Variants in NUP210L observed in about 807,000 individuals in gnomAD.
NUP210L encodes nuclear pore membrane glycoprotein 210-like.
A neutral mutation model predicts 208.5 loss-of-function variants in NUP210L; 74 were observed. The observed-to-expected ratio is 0.35, with a 90% CI of 0.29 to 0.43. The LOEUF (loss-of-function observed/expected upper bound fraction) is 0.43, where lower values mean the gene tolerates loss of function less well. NUP210L is among the 20% of genes least tolerant of loss of function. The pLI is 1.00. For synonymous variants in NUP210L, 780 were observed against 816.9 expected, an observed-to-expected ratio of 0.95 and a Z score of 0.77; for missense variants, 1,843 against 2,289.4, an observed-to-expected ratio of 0.81 and a Z score of 3.98.
At chr1:154,028,529 G>A (rs1349715186) in intron 28 of NUP210L, among the ~76,000 whole-genome samples, 2 of 152,160 alleles carry the variant, frequency 1.3e-5, no homozygotes, top group African/African-American at 4.8e-5. Flanking sequence ...GGAGGTTGCA[G>A]TGAGGCGAGA....
intron 15 of NUP210L, among the ~76,000 whole-genome samples, chr1:154,094,065 C>CA (rs1459968849): frequency 1.3e-5 from 2 of 152,076 alleles, no homozygotes; most frequent in Non-Finnish European, 2.9e-5. Context: ...GGGCAGATCA[C>CA]AAGGTCAGGA....
At chr1:154,106,009 C>T (rs574164951) in intron 12 of NUP210L, among the ~76,000 whole-genome samples, 2 of 152,120 alleles carry the variant, frequency 1.3e-5, no homozygotes, top group East Asian at 3.9e-4. Context: ...ACCTGTAATC[C>T]CAACACTTTG....
intron 25 of NUP210L, among the ~76,000 whole-genome samples, chr1:154,050,433 C>G (rs541331636): frequency 2.0e-5 from 3 of 152,314 alleles, no homozygotes; most frequent in African/African-American, 7.2e-5. Context: ...CCAGAGAAGA[C>G]TCCAGATTTG....
At chr1:154,022,481 A>G (rs1049586706) in intron 31 of NUP210L, 138 bp from the exon 32 acceptor site, 1 of 692,490 alleles carries the variant, frequency 1.4e-6, no homozygotes, top group Non-Finnish European at 2.5e-6. Flanking sequence ...GTAAGTAAGT[A>G]TGGGCCAAGG....
At chr1:154,147,186 C>T (rs1039700083) in intron 2 of NUP210L, among the ~76,000 whole-genome samples, 4 of 152,124 alleles carry the variant, frequency 2.6e-5, no homozygotes, top group African/African-American at 9.7e-5. Context: ...GTTACCACCA[C>T]CAGTGATAAA....
intron 2 of NUP210L, among the ~76,000 whole-genome samples, chr1:154,150,981 A>G (rs1389967121): frequency 6.6e-6 from 1 of 152,052 alleles, no homozygotes; most frequent in Non-Finnish European, 1.5e-5. Context: ...TATGTACACA[A>G]TTGTATTAAT....
chr1:154,051,279 G>T (rs1202195023), intron 25 of NUP210L, among the ~76,000 whole-genome samples: 1 of 151,924 alleles, frequency 6.6e-6, no homozygotes, highest in Non-Finnish European at 1.5e-5. Context: ...GCGTGATCTT[G>T]GCTCACTGTA....
chr1:153,996,901 G>A (rs2147879623), intron 37 of NUP210L, among the ~76,000 whole-genome samples: 1 of 142,886 alleles, frequency 7.0e-6, no homozygotes, highest in Non-Finnish European at 1.5e-5. Flanking sequence ...GTGCAGTGGT[G>A]CAGTCATGGC....
intron 8 of NUP210L, among the ~76,000 whole-genome samples, chr1:154,128,020 C>A (rs771408110): frequency 6.6e-6 from 1 of 151,946 alleles, no homozygotes. Context: ...TAGAACACTG[C>A]GCCTGGCTAA....
intron 2 of NUP210L, among the ~76,000 whole-genome samples, 181 bp downstream of exon 2, chr1:154,152,555 T>C (rs1247765172): frequency 1.3e-5 from 2 of 151,746 alleles, no homozygotes; most frequent in African/African-American, 4.8e-5. Flanking sequence ...CAAGCAATCT[T>C]TCTGCCTCAG....
chr1:154,079,687 A>T (rs1311255298), intron 16 of NUP210L: 3 of 153,058 alleles, frequency 2.0e-5, no homozygotes. Flanking sequence ...CCATACAAAA[A>T]AAAAAAGCAA....
At position 154,006,681 on chromosome 1, in the gene NUP210L, G is replaced by T. The variant is rs189880308; in HGVS notation, c.4930+3291C>A. Reference sequence around the variant, plus strand: ...GCTAATTTTTGTATTTTTTAGTAGAGATGGGGTTTCACCATGTTGGCCAGG... The same window carrying T: ...GCTAATTTTTGTATTTTTTAGTAGATATGGGGTTTCACCATGTTGGCCAGG... On this transcript the variant is annotated intron_variant, in intron 35 of 39. Transcript: ENST00000368559. Among the ~76,000 whole-genome samples, 1,122 of 150,648 alleles carry T rather than the reference G, an allele frequency of 7.4e-3. 12 individuals are homozygous for T. The highest frequency in any genetic ancestry group is 0.026 in the African/African-American group (1,082 of 41,028).
intron 12 of NUP210L, among the ~76,000 whole-genome samples, chr1:154,113,587 T>C (rs1020737931): frequency 1.6e-4 from 24 of 152,208 alleles, no homozygotes; most frequent in East Asian, 1.2e-3. Flanking sequence ...AGGCCAGGCG[T>C]GGTGGCTCAC....
At chr1:154,105,152 A>T (rs1477112948) in intron 12 of NUP210L, among the ~76,000 whole-genome samples, 4 of 152,226 alleles carry the variant, frequency 2.6e-5, no homozygotes, top group Non-Finnish European at 4.4e-5. Flanking sequence ...TCTTGAAAGG[A>T]AGGACACTGT....
intron 32 of NUP210L, 119 bp from the exon 33 acceptor site, chr1:154,019,188 C>T (rs1302743483): frequency 2.1e-6 from 2 of 942,966 alleles, no homozygotes; most frequent in Non-Finnish European, 3.1e-6. Context: ...CCAGGAGAAA[C>T]AGCCAGCTTT....
intron 17 of NUP210L, 108 bp from the exon 18 acceptor site, chr1:154,061,782 G>A: frequency 1.4e-6 from 1 of 719,596 alleles, no homozygotes; most frequent in East Asian, 2.7e-5. Flanking sequence ...GTGCTTTATT[G>A]CAGGGGAGGA....
At chr1:154,001,950 A>G (rs956932291) in exon 36 of NUP210L, 2 of 1,613,904 alleles carry the variant, frequency 1.2e-6, no homozygotes, top group Non-Finnish European at 1.7e-6. Context: ...AGCTCCTCTG[A>G]CTGCGGTCGA....
At chr1:154,058,982 A>G (rs984506131) in intron 20 of NUP210L, among the ~76,000 whole-genome samples, 2 of 152,202 alleles carry the variant, frequency 1.3e-5, no homozygotes, top group African/African-American at 4.8e-5. Context: ...TGAGCCCAGG[A>G]GTTCAAGAAC....
At chr1:154,148,137 C>G (rs921340544) in intron 2 of NUP210L, among the ~76,000 whole-genome samples, 1 of 150,964 alleles carries the variant, frequency 6.6e-6, no homozygotes, top group African/African-American at 2.4e-5. Context: ...CATGGTGGTG[C>G]GTGCCTGTAA....
Sources: allele counts gnomAD v4.1 joint callset (sites outside exome capture counted in the v4.1 genomes callset), GRCh38; gene constraint gnomAD v4.1.1; transcripts MANE v1.5; gene names NCBI Gene and HGNC (gene_info 2026-07-23, HGNC 2026-07-21).